Variants in CCDC15 observed in about 807,000 individuals in gnomAD.
CCDC15 encodes the protein coiled-coil domain containing 15.
In CCDC15, 105 loss-of-function variants were observed where a neutral mutation model predicts 114.5. The observed-to-expected ratio is 0.92, with a 90% CI of 0.78 to 1.08. The LOEUF (loss-of-function observed/expected upper bound fraction) is 1.08. CCDC15 is among the 50% of genes least tolerant of loss of function. CCDC15 has a pLI of 0.00. For synonymous variants in CCDC15, 334 were observed against 377.8 expected (o/e 0.88, Z 1.34); for missense variants, 1,105 against 1,093.6 (o/e 1.01, Z -0.15).
chr11:125,012,451 A>C (rs1047655047), intron 13 of CCDC15, among the ~76,000 whole-genome samples: 4 of 152,214 alleles, frequency 2.6e-5, no homozygotes, highest in African/African-American at 9.7e-5. Context: ...CTTTTCTTGA[A>C]GAACTCATAA....
chr11:125,032,808 G>C (rs1364575196), intron 13 of CCDC15, among the ~76,000 whole-genome samples: 1 of 152,152 alleles, frequency 6.6e-6, no homozygotes, highest in Middle Eastern at 3.2e-3. Context: ...TGGACCCACT[G>C]TAAGTCAGAC....
At position 124,986,700 on chromosome 11, in the gene CCDC15, T is replaced by TGTTTGTGTGCGC. The variant is rs878887902; in HGVS notation, c.754-41_754-40insTTTGTGTGCGCG. The TGTTTGTGTGCGC allele has an allele frequency of 6.7e-6, 9 of 1,352,942 alleles. No homozygotes were observed. In the Admixed American group the frequency reaches 7.2e-5, roughly 11 times the overall value. 83.8% of individuals were successfully genotyped at this position (1,352,942 alleles called of 1,614,324 possible). A position where few individuals can be genotyped will look rare whatever the true frequency, so the allele number is the denominator to read the frequency against. ...GTGTGTGTGTGTGTGTTTGTGTGTG[T>TGTTTGTGTGCGC]GCGCGCGCGCGCGTGCGCGTTTTCA... On this transcript the variant is annotated intron_variant, in intron 6 of 15. Transcript: ENST00000344762.
chr11:124,962,994 G>T (rs1380354206), intron 4 of CCDC15, among the ~76,000 whole-genome samples: 1 of 152,096 alleles, frequency 6.6e-6, no homozygotes, highest in Non-Finnish European at 1.5e-5. Flanking sequence ...CTTTTTTATG[G>T]CTGCATAGTA....
At chr11:125,005,768 G>C (rs1166161861) in intron 13 of CCDC15, among the ~76,000 whole-genome samples, 1 of 151,926 alleles carries the variant, frequency 6.6e-6, no homozygotes, top group African/African-American at 2.4e-5. Flanking sequence ...TGTCTCCATG[G>C]TTTTGCCTTT....
At chr11:125,000,974 C>T (rs1435165251) in intron 11 of CCDC15, among the ~76,000 whole-genome samples, 1 of 152,012 alleles carries the variant, frequency 6.6e-6, no homozygotes, top group Non-Finnish European at 1.5e-5. Flanking sequence ...ATGATTGATC[C>T]GTTAACATGA....
At chr11:124,956,828 A>G (rs908080114) in intron 2 of CCDC15, among the ~76,000 whole-genome samples, 1 of 152,208 alleles carries the variant, frequency 6.6e-6, no homozygotes, top group African/African-American at 2.4e-5. Flanking sequence ...ATTAACGGAT[A>G]TAGCTCTGTC....
At chr11:124,988,210 G>A (rs1948209531) in intron 8 of CCDC15, 76 bp downstream of exon 8, 4 of 1,419,226 alleles carry the variant, frequency 2.8e-6, no homozygotes, top group African/African-American at 1.4e-5. Flanking sequence ...TGTAAGGACT[G>A]CAAGTATACC....
intron 4 of CCDC15, among the ~76,000 whole-genome samples, chr11:124,966,686 A>C (rs1044828143): frequency 1.3e-5 from 2 of 152,116 alleles, no homozygotes; most frequent in Non-Finnish European, 2.9e-5. Flanking sequence ...CTGTCATTAT[A>C]ATGTTAGCTG....
chr11:124,985,015 C>T (rs961031023), intron 6 of CCDC15, among the ~76,000 whole-genome samples: 1 of 152,182 alleles, frequency 6.6e-6, no homozygotes, highest in South Asian at 2.1e-4. Context: ...TCTCCTTGCC[C>T]TTAACCTCAA....
chr11:124,968,270 A>G (rs1947818505), intron 4 of CCDC15, among the ~76,000 whole-genome samples: 2 of 151,202 alleles, frequency 1.3e-5, no homozygotes, highest in African/African-American at 4.9e-5. Context: ...GGTGGAGTCT[A>G]CAGAGGCAGA....
rs769112544 is a variant in CCDC15 at position 124,986,728 on chromosome 11, G to GT, written c.754-7dup. On this transcript the variant is annotated splice_polypyrimidine_tract_variant and intron_variant, in intron 6 of 15. Coordinates refer to ENST00000344762, the MANE Select transcript of CCDC15 (RefSeq NM_025004.3). ...GCGCGCGCGCGTGCGCGTTTTCATT[G>GT]TTTTTTTCTTTAGGAACTTGACTAT... is the stretch of plus-strand genomic sequence containing the variant. 4.0e-6 allele frequency: 6 copies of GT among 1,493,938 alleles called. No individual in the cohort carries two copies. The highest frequency in any genetic ancestry group is 2.6e-5 in the East Asian group (1 of 37,844). The allele number at this position is 1,493,938 out of a possible 1,614,324, so 92.5% of individuals were successfully genotyped here.
At chr11:125,013,180 A>G (rs1948606700) in intron 13 of CCDC15, among the ~76,000 whole-genome samples, 1 of 152,198 alleles carries the variant, frequency 6.6e-6, no homozygotes, top group Admixed American at 6.5e-5. Context: ...AGGCAGGGAT[A>G]GTCTAGGGAG....
rs139741577 is a variant in CCDC15, at chr11:124,977,713, T to C, written c.753+113T>C. 1.4e-4 allele frequency: 152 copies of C among 1,061,828 alleles called. 1 individual carries two copies. The African/African-American group carries it at 2.2e-3, about 15-fold the overall frequency. The allele number at this position is 1,061,828 out of a possible 1,614,324, so 65.8% of individuals were successfully genotyped here. ...ATCCAGTATTTTTTTTAACGGACTTTATTGAGATATAATTCATATACCATA... is the reference window on the plus strand; with the variant it reads ...ATCCAGTATTTTTTTTAACGGACTTCATTGAGATATAATTCATATACCATA... On this transcript the variant is annotated intron_variant, in intron 6 of 15. Transcript: ENST00000344762.
intron 13 of CCDC15, among the ~76,000 whole-genome samples, chr11:125,021,538 G>A (rs931676466): frequency 1.3e-5 from 2 of 151,824 alleles, no homozygotes; most frequent in African/African-American, 4.8e-5. Flanking sequence ...AAAAAAGCAT[G>A]TACTGGATGG....
chr11:124,975,878 G>C (rs1442461278), intron 5 of CCDC15, among the ~76,000 whole-genome samples: 6 of 149,586 alleles, frequency 4.0e-5, no homozygotes, highest in Non-Finnish European at 7.4e-5. Context: ...TTTTTAAAAA[G>C]AAAAATTCTT....
At chr11:125,014,440 A>G (rs1948615338) in intron 13 of CCDC15, among the ~76,000 whole-genome samples, 1 of 152,238 alleles carries the variant, frequency 6.6e-6, no homozygotes, top group South Asian at 2.1e-4. Flanking sequence ...AAGCAGACTC[A>G]GATGACACAA....
At chr11:125,003,128 A>T (rs748341501) in intron 11 of CCDC15, among the ~76,000 whole-genome samples, 9 of 151,878 alleles carry the variant, frequency 5.9e-5, no homozygotes, top group Non-Finnish European at 1.0e-4. Flanking sequence ...TAAATTTCTA[A>T]GTGTTTTCTT....
chr11:125,013,590 T>G (rs1948610259), intron 13 of CCDC15, among the ~76,000 whole-genome samples: 1 of 152,126 alleles, frequency 6.6e-6, no homozygotes, highest in Non-Finnish European at 1.5e-5. Flanking sequence ...ATGACCAAAT[T>G]CTTAGTCTTG....
chr11:125,027,224 T>A (rs889055232), intron 13 of CCDC15, among the ~76,000 whole-genome samples: 3 of 152,160 alleles, frequency 2.0e-5, no homozygotes, highest in Non-Finnish European at 4.4e-5. Flanking sequence ...CTTTTTCATA[T>A]AATGACTTCT....
Sources: gnomAD v4.1 joint callset for allele counts (sites outside exome capture counted in the v4.1 genomes callset) on GRCh38, gnomAD v4.1.1 for gene constraint, MANE v1.5 for transcripts, NCBI Gene and HGNC (gene_info 2026-07-23, HGNC 2026-07-21) for gene names.